The following MYNN variants were observed in gnomAD, a reference collection of about 807,000 sequenced individuals.
The protein encoded by MYNN is zinc finger and BTB domain-containing protein 31.
MYNN carries 22 observed loss-of-function variants against 57.2 expected under a neutral mutation model. The observed-to-expected ratio is 0.38, with a 90% CI of 0.27 to 0.55. The LOEUF (loss-of-function observed/expected upper bound fraction) is 0.55, where lower values mean the gene tolerates loss of function less well. MYNN is among the 20% of genes least tolerant of loss of function. MYNN has a pLI of 0.71. For synonymous variants in MYNN, 241 were observed against 257.1 expected (o/e 0.94, Z 0.60); for missense variants, 566 against 723.1 (o/e 0.78, Z 2.49).
At position 169,788,541 on chromosome 3, in the gene MYNN, C is replaced by T. The variant is rs1250570864; in HGVS notation, c.*1863C>T. On this transcript the variant is annotated 3_prime_UTR_variant, in exon 8 of 8. Coordinates refer to ENST00000349841, the MANE Select transcript of MYNN (RefSeq NM_018657.5). ...TAATTTATTTATATCTTCGTTAATCCAAGCATCTAATGAACAAAAAACTGC... is the reference window on the plus strand; with the variant it reads ...TAATTTATTTATATCTTCGTTAATCTAAGCATCTAATGAACAAAAAACTGC... 6.6e-6 allele frequency: 1 copy of T among 152,072 alleles called. No homozygotes were observed. Among genetic ancestry groups the T allele is most frequent in the Non-Finnish European group, 1.5e-5 (1 of 67,972 alleles). The allele number at this position is 152,072 out of a possible 1,614,324, so 9.4% of individuals were successfully genotyped here.
rs370919663 is a variant in MYNN at position 169,777,031 on chromosome 3, A to G, written c.267-1737A>G. Among the ~76,000 whole-genome samples the G allele has an allele frequency of 3.9e-5, 6 of 152,296 alleles. 1 individual carries two copies. Among genetic ancestry groups the G allele is most frequent in the African/African-American group, 1.4e-4 (6 of 41,562 alleles). On this transcript the variant is annotated intron_variant, in intron 2 of 7. Transcript: ENST00000349841. ...TTCCTGCTAACTTATATTGGTCTTA[A>G]AGGCTACCTGACCTTGTTATCTGTT...
chr3:169,779,820 A>T, intron 3 of MYNN: 1 of 458,726 alleles, frequency 2.2e-6, no homozygotes, highest in Admixed American at 3.7e-5. Context: ...CTTACCAAGT[A>T]TTTAACAGAG....
At chr3:169,779,595 T>C (rs1314584540) in intron 3 of MYNN, 34 bp downstream of exon 3, 7 of 1,581,866 alleles carry the variant, frequency 4.4e-6, no homozygotes, top group African/African-American at 1.3e-5. Context: ...ATTATTTTTA[T>C]ACTGTGACTA....
intron 7 of MYNN, among the ~76,000 whole-genome samples, chr3:169,786,113 T>G (rs973727100): frequency 2.0e-5 from 3 of 152,068 alleles, no homozygotes; most frequent in Non-Finnish European, 4.4e-5. Flanking sequence ...ATAAGAGAGA[T>G]AGATGCCACA....
intron 7 of MYNN, among the ~76,000 whole-genome samples, chr3:169,785,141 C>T (rs1274671355): frequency 6.6e-6 from 1 of 151,312 alleles, no homozygotes; most frequent in Non-Finnish European, 1.5e-5. Context: ...AACAGGTAGC[C>T]CTACATTGTT....
chr3:169,784,811 T>A, intron 7 of MYNN, 103 bp downstream of exon 7: 1 of 674,724 alleles, frequency 1.5e-6, no homozygotes, highest in Non-Finnish European at 2.4e-6. Context: ...TTAAGCAGTT[T>A]AAATTAGATG....
intron 2 of MYNN, among the ~76,000 whole-genome samples, chr3:169,776,869 A>C (rs1445026675): frequency 6.6e-6 from 1 of 151,868 alleles, no homozygotes; most frequent in African/African-American, 2.4e-5. Flanking sequence ...ATGCCCAGCT[A>C]ATTTTTGTAT....
In MYNN at chr3:169,780,337, C is replaced by G. The variant is rs139138415; in HGVS notation, c.1061-253C>G. 748 of 285,376 alleles carry G rather than the reference C, an allele frequency of 2.6e-3. 9 individuals carry two copies. Among genetic ancestry groups the G allele is most frequent in the African/African-American group, 0.016 (713 of 45,356 alleles). 17.7% of individuals were successfully genotyped at this position (285,376 alleles called of 1,614,324 possible). ...CCTTCCAAAGTGCTGGGATTATAGG[C>G]GTGAGCCACCGAGCCCAGCCCTAGA... On this transcript the variant is annotated intron_variant, in intron 3 of 7. Coordinates refer to ENST00000349841, the MANE Select transcript of MYNN (RefSeq NM_018657.5).
In MYNN at chr3:169,786,679, C is replaced by T. The variant is rs1336919449; in HGVS notation, c.*1C>T. ...GATTTTTTTACAACAATTATACTGACTTTGTAAGGAATATGGAATTGCTAA... is the reference window on the plus strand; with the variant it reads ...GATTTTTTTACAACAATTATACTGATTTTGTAAGGAATATGGAATTGCTAA... On this transcript the variant is annotated 3_prime_UTR_variant, in exon 8 of 8. Coordinates refer to ENST00000349841, the MANE Select transcript of MYNN (RefSeq NM_018657.5). 1 of 1,610,080 alleles carries T rather than the reference C, an allele frequency of 6.2e-7. No individual in the cohort carries two copies.
At position 169,780,703 on chromosome 3, in the gene MYNN, T is replaced by G. The variant is rs367946936; in HGVS notation, c.1174T>G (p.Cys392Gly). 1 of 1,609,384 alleles carries G rather than the reference T, an allele frequency of 6.2e-7. No individual in the cohort carries two copies. Among genetic ancestry groups the G allele is most frequent in the Admixed American group, 1.7e-5 (1 of 58,666 alleles). The change falls in exon 4 of 8, where the codon TGC becomes GGC. Residue 392 changes from cysteine to glycine, a missense_variant. This residue lies in a region of MYNN where 123 missense variants were observed against 222.6 expected (regional missense o/e 0.55). Coordinates refer to ENST00000349841, the MANE Select transcript of MYNN (RefSeq NM_018657.5). ...GEEKPYKCDV[C>G]NLQFATSSNL... The stretch of plus-strand genomic sequence containing the variant: ...AGAAAAACCCTATAAATGTGATGTA[T>G]GCAACTTACAGTTTGCAACTTCTAG...
At chr3:169,773,620 G>C (rs1428635985) in intron 1 of MYNN, among the ~76,000 whole-genome samples, 158 bp downstream of exon 1, 1 of 152,196 alleles carries the variant, frequency 6.6e-6, no homozygotes, top group Non-Finnish European at 1.5e-5. Context: ...CTCTGCTGTG[G>C]AAATTCGCGG....
In MYNN at chr3:169,786,402, TCC is replaced by T. The variant is rs1577403042; in HGVS notation, c.1571-13_1571-12del. On this transcript the variant is annotated splice_polypyrimidine_tract_variant and intron_variant, in intron 7 of 7. Coordinates refer to ENST00000349841, the MANE Select transcript of MYNN (RefSeq NM_018657.5). ...TTTAAAGATAATGTAGATTTTTTTT[TCC>T]TTCCATTCTAGGTGCAGATAAAACT... 6 of 1,597,824 alleles carry T rather than the reference TCC, an allele frequency of 3.8e-6. No individual in the cohort carries two copies. The Admixed American group carries it at 5.3e-5, about 14-fold the overall frequency.
chr3:169,785,783 C>T lies in MYNN; in HGVS notation c.1571-633C>T, dbSNP rs531579106. On this transcript the variant is annotated intron_variant, in intron 7 of 7. Transcript: ENST00000349841. ...GACGGTGAAACCAAAATCATGTCAA[C>T]ACTTTAGAGTAACGGAAGCATGTTA... Among the ~76,000 whole-genome samples, 5 of 152,136 alleles carry T rather than the reference C, an allele frequency of 3.3e-5. No homozygotes were observed. In the East Asian group the frequency reaches 9.6e-4, roughly 29 times the overall value.
In MYNN at chr3:169,782,389, TA is replaced by T. The variant is rs1362515034; in HGVS notation, c.1221-70del. ...TTAAGATGACATGAAATAAAATCTA[TA>T]AAAAACTTTATGAATTCTTGCTATA... On this transcript the variant is annotated intron_variant, in intron 4 of 7. Coordinates refer to ENST00000349841, the MANE Select transcript of MYNN (RefSeq NM_018657.5). This position sits in a 1 kb window ranked among gnomAD's most constrained non-coding sequence, Gnocchi z 4.8. 1.2e-5 allele frequency: 15 copies of T among 1,224,708 alleles called. No homozygotes were observed. Among genetic ancestry groups the T allele is most frequent in the Non-Finnish European group, 1.7e-5 (15 of 882,780 alleles). The allele number at this position is 1,224,708 out of a possible 1,614,324, so 75.9% of individuals were successfully genotyped here. A position where few individuals can be genotyped will look rare whatever the true frequency, so the allele number is the denominator to read the frequency against.
rs570023697 is a variant in MYNN at position 169,780,762 on chromosome 3, A to G, written c.1220+13A>G. ...AGATTCATGCAAGGTAAAAAACCAA[A>G]TGAGTTGTTTGATCTTTTAGTCTTT... is the stretch of plus-strand genomic sequence containing the variant. On this transcript the variant is annotated intron_variant, in intron 4 of 7. Coordinates refer to ENST00000349841, the MANE Select transcript of MYNN (RefSeq NM_018657.5). The G allele has an allele frequency of 6.3e-6, 10 of 1,586,250 alleles. No individual in the cohort carries two copies. Among genetic ancestry groups the G allele is most frequent in the Non-Finnish European group, 7.7e-6 (9 of 1,169,820 alleles).
Position 169,784,651 on chromosome 3 carries a change from G to C in MYNN, c.1513G>C (p.Gly505Arg). Residue 505 changes from glycine (G) to arginine (R), a missense_variant, in exon 7 of 8, where the codon GGA (glycine) becomes CGA (arginine). This residue lies in a region of MYNN where 156 missense variants were observed against 163.9 expected (regional missense o/e 0.95). Transcript: ENST00000349841. ...GERPFICELC[G>R]NSYTDIKNLK... ...AAGACCATTTATCTGCGAATTATGT[G>C]GAAATTCTTACACAGATATTAAAAA... 6.4e-7 allele frequency: 1 copy of C among 1,574,764 alleles called. No homozygotes were observed. Among genetic ancestry groups the C allele is most frequent in the East Asian group, 2.3e-5 (1 of 42,616 alleles).
At chr3:169,783,767 G>T in intron 6 of MYNN, 2 of 623,586 alleles carry the variant, frequency 3.2e-6, no homozygotes, top group Non-Finnish European at 5.9e-6. Flanking sequence ...AAAGAATTGT[G>T]TTGGTTTTCC....
intron 3 of MYNN, 144 bp from the exon 4 acceptor site, chr3:169,780,445 TG>T: frequency 1.9e-6 from 1 of 533,560 alleles, no homozygotes; most frequent in Non-Finnish European, 3.2e-6. Flanking sequence ...GTGTTTTCAG[TG>T]GTCTGGAAAA....
At position 169,788,179 on chromosome 3, in the gene MYNN, A is replaced by C. The variant is rs1010667758; in HGVS notation, c.*1501A>C. 2.0e-4 allele frequency: 31 copies of C among 152,136 alleles called. No individual in the cohort carries two copies. The highest frequency in any genetic ancestry group is 7.2e-4 in the African/African-American group (30 of 41,434). The allele number at this position is 152,136 out of a possible 1,614,324, so 9.4% of individuals were successfully genotyped here. A position where few individuals can be genotyped will look rare whatever the true frequency, so the allele number is the denominator to read the frequency against. On this transcript the variant is annotated 3_prime_UTR_variant, in exon 8 of 8. Transcript: ENST00000349841. ...ATTAGAGGACATAATAAAAACACTT[A>C]ATGCTTGTAGTCTGTAGAGATCTTC...
Sources: allele counts gnomAD v4.1 joint callset (sites outside exome capture counted in the v4.1 genomes callset), GRCh38; gene constraint gnomAD v4.1.1; regional missense constraint gnomAD v4.1.1; non-coding constraint Gnocchi (gnomAD v3.1); transcripts MANE v1.5; gene names NCBI Gene and HGNC (gene_info 2026-07-23, HGNC 2026-07-21).